Variants in AOPEP observed in about 807,000 individuals in gnomAD.
AOPEP encodes aminopeptidase O (putative), also known as aminopeptidase O.
In AOPEP, 77 loss-of-function variants were observed where a neutral mutation model predicts 98.1. The ratio of observed to expected loss-of-function variants is 0.78; its 90% CI spans 0.65 to 0.95. The LOEUF is 0.95. Ranked by LOEUF, AOPEP falls within the 40% of genes least tolerant of loss-of-function variation. The pLI, the probability that AOPEP is intolerant of heterozygous loss-of-function variation, is 0.00. For synonymous variants in AOPEP, 346 were observed against 365.3 expected (o/e 0.95, Z 0.60); for missense variants, 1,024 against 1,024.7 (o/e 1.00, Z 0.01).
rs747625403 is a variant in AOPEP, at chr9:94,760,349, G to A, written c.566G>A (p.Arg189His). The change falls in exon 2 of 17, where the codon CGT becomes CAT. Residue 189 changes from arginine to histidine, a missense_variant. Physicochemically the swap from Arg to His is conservative, Grantham distance 29 (BLOSUM62 0). Transcript: ENST00000375315. ...VSEEFRNQIV[R>H]ELVTLPANRW... ...GAGGAGTTCAGGAATCAGATTGTAC[G>A]TGAACTTGTGACTTTGCCTGCAAAT... 19 of 1,614,172 alleles carry A rather than the reference G, an allele frequency of 1.2e-5. No homozygotes were observed. The highest frequency in any genetic ancestry group is 1.6e-4 in the Middle Eastern group (1 of 6,062).
At chr9:94,948,587 C>A (rs2057863834) in intron 7 of AOPEP, among the ~76,000 whole-genome samples, 1 of 152,084 alleles carries the variant, frequency 6.6e-6, no homozygotes. Context: ...ATCCTCCCCG[C>A]AGAGATCTGT....
intron 4 of AOPEP, among the ~76,000 whole-genome samples, chr9:94,793,462 G>A (rs986832875): frequency 2.6e-5 from 4 of 151,940 alleles, no homozygotes; most frequent in South Asian, 4.2e-4. Context: ...GGTCGATCAC[G>A]AGGTCAGGAG....
At chr9:94,733,013 A>C (rs1464244916) in intron 1 of AOPEP, among the ~76,000 whole-genome samples, 1 of 152,104 alleles carries the variant, frequency 6.6e-6, no homozygotes, top group African/African-American at 2.4e-5. Flanking sequence ...TTGTTTTGGA[A>C]CATGGCATAA....
intron 16 of AOPEP, among the ~76,000 whole-genome samples, chr9:95,084,769 T>A (rs1327367408): frequency 7.0e-6 from 1 of 142,264 alleles, no homozygotes; most frequent in Admixed American, 7.2e-5. Flanking sequence ...CATCCAGGGG[T>A]TGCAAGCCTG....
At chr9:95,060,581 T>A (rs2067240189) in intron 13 of AOPEP, 113 bp from the exon 14 acceptor site, 2 of 742,300 alleles carry the variant, frequency 2.7e-6, no homozygotes, top group African/African-American at 3.5e-5. Context: ...GTTGCCAATA[T>A]ATGCTGAAAG....
chr9:94,829,423 C>T (rs1012083242), intron 5 of AOPEP, among the ~76,000 whole-genome samples: 7 of 152,094 alleles, frequency 4.6e-5, no homozygotes, highest in Non-Finnish European at 2.9e-5. Context: ...TTGTGGAAGT[C>T]ATTCTTCCAA....
At chr9:94,892,932 A>G (rs1057484126) in intron 5 of AOPEP, among the ~76,000 whole-genome samples, 3 of 152,168 alleles carry the variant, frequency 2.0e-5, no homozygotes, top group African/African-American at 7.2e-5. Context: ...ACCTCAAGCA[A>G]TCTTCCCACT....
intron 14 of AOPEP, among the ~76,000 whole-genome samples, chr9:95,065,637 A>G (rs1295031471): frequency 6.6e-6 from 1 of 152,252 alleles, no homozygotes; most frequent in Non-Finnish European, 1.5e-5. Context: ...ATGAAAAAGA[A>G]CACCATTGTG....
At chr9:94,737,251 C>T (rs911205779) in intron 1 of AOPEP, among the ~76,000 whole-genome samples, 2 of 152,034 alleles carry the variant, frequency 1.3e-5, no homozygotes, top group African/African-American at 4.8e-5. Context: ...AGTACAAGCA[C>T]ATGCCACCAT....
intron 14 of AOPEP, among the ~76,000 whole-genome samples, chr9:95,069,364 C>T (rs552369775): frequency 6.6e-6 from 1 of 152,158 alleles, no homozygotes; most frequent in Non-Finnish European, 1.5e-5. Flanking sequence ...GTAAAAGTCC[C>T]TTTCAGCAAA....
intron 13 of AOPEP, among the ~76,000 whole-genome samples, chr9:95,025,674 C>T (rs984124974): frequency 6.6e-6 from 1 of 152,188 alleles, no homozygotes; most frequent in African/African-American, 2.4e-5. Context: ...TAAAACATAA[C>T]TTTGAAGTTT....
chr9:95,093,359 A>C, the AOPEP span, among the ~76,000 whole-genome samples: 1 of 152,132 alleles, frequency 6.6e-6, no homozygotes, highest in African/African-American at 2.4e-5. Context: ...CAATGGTAGA[A>C]CATAAGTCCT....
intron 3 of AOPEP, among the ~76,000 whole-genome samples, chr9:94,792,465 G>A (rs1165556843): frequency 6.6e-6 from 1 of 152,032 alleles, no homozygotes; most frequent in Non-Finnish European, 1.5e-5. Flanking sequence ...GGAGCATACA[G>A]CCTGTGGCCT....
intron 5 of AOPEP, among the ~76,000 whole-genome samples, chr9:94,898,657 A>T (rs1489441317): frequency 1.3e-5 from 2 of 150,604 alleles, no homozygotes; most frequent in Non-Finnish European, 3.0e-5. Context: ...TGAAAAAAAA[A>T]AAAAGGCCGG....
intron 13 of AOPEP, among the ~76,000 whole-genome samples, chr9:95,022,713 T>C (rs1337883356): frequency 6.6e-6 from 1 of 152,196 alleles, no homozygotes; most frequent in African/African-American, 2.4e-5. Flanking sequence ...ATAAAGCAGC[T>C]GTTTTAACAA....
chr9:95,005,452 C>G, intron 12 of AOPEP, 90 bp from the exon 13 acceptor site: 2 of 1,299,538 alleles, frequency 1.5e-6, no homozygotes, highest in Non-Finnish European at 2.2e-6. Flanking sequence ...GACCAGGTCG[C>G]GAGGCCGGGG....
chr9:95,022,253 G>T (rs1426113374), intron 13 of AOPEP: 1 of 152,166 alleles, frequency 6.6e-6, no homozygotes, highest in Non-Finnish European at 1.5e-5. Flanking sequence ...TTACATGAAG[G>T]TTAAGAATAA....
intron 5 of AOPEP, among the ~76,000 whole-genome samples, chr9:94,836,329 A>G (rs1253087651): frequency 2.0e-5 from 3 of 152,188 alleles, no homozygotes; most frequent in Non-Finnish European, 4.4e-5. Context: ...CTGCATTCCT[A>G]TCAGCAGTGA....
intron 5 of AOPEP, among the ~76,000 whole-genome samples, chr9:94,856,574 G>C (rs2044240681): frequency 6.6e-6 from 1 of 151,136 alleles, no homozygotes; most frequent in Non-Finnish European, 1.5e-5. Context: ...CCGGGAGGCA[G>C]AGGTTGTGGT....
Sources: gnomAD v4.1 joint callset for allele counts (sites outside exome capture counted in the v4.1 genomes callset) on GRCh38, gnomAD v4.1.1 for gene constraint, MANE v1.5 for transcripts, NCBI Gene and HGNC (gene_info 2026-07-23, HGNC 2026-07-21) for gene names.